Variants in ABCC1 observed in about 807,000 individuals in gnomAD.
ABCC1 encodes the protein ATP binding cassette subfamily C member 1 (ABCC1 blood group), also known as multidrug resistance-associated protein 1.
ABCC1 carries 83 observed loss-of-function variants against 172.9 expected under a neutral mutation model. The observed-to-expected ratio is 0.48, with a 90% CI of 0.40 to 0.58. The LOEUF is 0.58. Among genes scored for constraint, ABCC1 ranks in the 20% least tolerant of loss-of-function variants. The probability of loss-of-function intolerance (pLI) is 0.00; values close to 1 mark genes in which losing one functional copy is unlikely to be tolerated. For synonymous variants in ABCC1, 937 were observed against 825.2 expected (o/e 1.14, Z -2.32); for missense variants, 1,817 against 2,002.7 (o/e 0.91, Z 1.77).
chr16:16,043,978 T>G (rs1039749105), intron 7 of ABCC1, among the ~76,000 whole-genome samples: 49 of 152,346 alleles, frequency 3.2e-4, no homozygotes, highest in African/African-American at 1.1e-3. Context: ...CATGATTGTT[T>G]TGACTGTTCT....
At position 16,016,603 on chromosome 16, in the gene ABCC1, G is replaced by A. The variant is rs761393295; in HGVS notation, c.597G>A (p.Ser199=). The A allele has an allele frequency of 8.1e-6, 13 of 1,613,938 alleles. No individual in the cohort carries two copies. The highest frequency in any genetic ancestry group is 1.6e-4 in the Middle Eastern group (1 of 6,084). ...SCFSDRSPLF[S]ETIHDPNPCP... is the part of the protein sequence containing the mutation. ...TCTCAGATCGCTCACCCCTGTTCTC[G>A]GAAACCATCCACGACCCTGTAAGTG... Residue 199 remains serine, a synonymous_variant, in exon 5 of 31, where the codon TCG becomes TCA. Coordinates refer to ENST00000399410, the MANE Select transcript of ABCC1 (RefSeq NM_004996.4).
chr16:16,013,203 T>G (rs45566332), intron 3 of ABCC1, among the ~76,000 whole-genome samples: 15,769 of 151,980 alleles, frequency 0.1, 987 homozygotes, highest in African/African-American at 0.16. Context: ...AGAAACATTC[T>G]GACTATATCC....
intron 5 of ABCC1, among the ~76,000 whole-genome samples, chr16:16,031,380 TTGTC>T (rs2151825738): frequency 6.6e-6 from 1 of 152,302 alleles, no homozygotes; most frequent in South Asian, 2.1e-4. Context: ...AAGCCAGGCT[TTGTC>T]TGTCATCCCA....
chr16:16,067,490 G>T lies in ABCC1; in HGVS notation c.1678-666G>T, dbSNP rs118186394. On this transcript the variant is annotated intron_variant, in intron 12 of 30. Coordinates refer to ENST00000399410, the MANE Select transcript of ABCC1 (RefSeq NM_004996.4). Reference sequence around the variant, plus strand: ...TTGAGTTTTACTGTGCTTGGGCCCTGTGCAAATAAACACCCTACATAAGTG... The same window carrying T: ...TTGAGTTTTACTGTGCTTGGGCCCTTTGCAAATAAACACCCTACATAAGTG... Among the ~76,000 whole-genome samples the T allele has an allele frequency of 6.7e-4, 102 of 152,292 alleles. 1 individual carries two copies. The East Asian group carries it at 0.018, about 26-fold the overall frequency.
chr16:16,090,530 C>T lies in ABCC1; in HGVS notation c.2586C>T (p.Phe862=), dbSNP rs755874857. 1.9e-5 allele frequency: 31 copies of T among 1,613,680 alleles called. 1 individual carries two copies. The highest frequency in any genetic ancestry group is 3.3e-4 in the Middle Eastern group (2 of 6,050). The change falls in exon 19 of 31, where the codon TTC becomes TTT. Residue 862 remains phenylalanine (F), a synonymous_variant. Transcript: ENST00000399410. ...YQELLARDGA[F]AEFLRTYAST... ...AGCTGCTGGCTCGAGACGGCGCCTTCGCTGAGTTCCTGCGTACCTATGCCA... is the reference window on the plus strand; with the variant it reads ...AGCTGCTGGCTCGAGACGGCGCCTTTGCTGAGTTCCTGCGTACCTATGCCA...
intron 5 of ABCC1, among the ~76,000 whole-genome samples, chr16:16,027,319 T>C (rs929973634): frequency 9.2e-5 from 14 of 152,086 alleles, no homozygotes; most frequent in Non-Finnish European, 1.9e-4. Flanking sequence ...GCTGTGTAGC[T>C]CAAAAGCTGC....
At chr16:16,082,972 T>C (rs1265447262) in intron 16 of ABCC1, among the ~76,000 whole-genome samples, 1 of 152,168 alleles carries the variant, frequency 6.6e-6, no homozygotes, top group African/African-American at 2.4e-5. Flanking sequence ...AAAAGTGTCA[T>C]ATATCTTTTT....
intron 29 of ABCC1, among the ~76,000 whole-genome samples, chr16:16,137,393 A>G (rs910918472): frequency 3.3e-5 from 5 of 152,088 alleles, no homozygotes; most frequent in African/African-American, 1.2e-4. Flanking sequence ...GCAGGGGCAC[A>G]AGAGCGTGCA....
At chr16:16,088,157 A>G (rs1163404619) in intron 18 of ABCC1, among the ~76,000 whole-genome samples, 1 of 151,384 alleles carries the variant, frequency 6.6e-6, no homozygotes. Flanking sequence ...GTGTGCATGT[A>G]TATAAAGTAA....
intron 1 of ABCC1, among the ~76,000 whole-genome samples, chr16:15,991,978 G>A (rs1567291324): frequency 6.6e-6 from 1 of 152,114 alleles, no homozygotes; most frequent in African/African-American, 2.4e-5. Context: ...GGAGGTGAGT[G>A]GCAGGCGAGC....
chr16:16,064,961 G>C (rs1043043175), intron 12 of ABCC1, among the ~76,000 whole-genome samples: 9 of 152,242 alleles, frequency 5.9e-5, no homozygotes, highest in Non-Finnish European at 1.0e-4. Context: ...AGGGCGGCTT[G>C]CAGTTTTAAG....
chr16:16,074,908 C>G (rs909973222), intron 14 of ABCC1, among the ~76,000 whole-genome samples: 2 of 151,656 alleles, frequency 1.3e-5, no homozygotes, highest in Non-Finnish European at 2.9e-5. Context: ...CTTAAGGTGG[C>G]TCATAATTCA....
intron 5 of ABCC1, among the ~76,000 whole-genome samples, chr16:16,019,310 G>T (rs1452405907): frequency 1.3e-5 from 2 of 152,040 alleles, no homozygotes; most frequent in Non-Finnish European, 2.9e-5. Flanking sequence ...CACCATCTTG[G>T]CCCGGCTGGT....
Position 16,141,678 on chromosome 16 carries a change from C to G in ABCC1, c.*397C>G, listed in dbSNP as rs1195482238. 5.1e-6 allele frequency: 1 copy of G among 196,290 alleles called. No homozygotes were observed. Among genetic ancestry groups the G allele is most frequent in the Non-Finnish European group, 1.0e-5 (1 of 96,196 alleles). The allele number at this position is 196,290 out of a possible 1,614,324, so 12.2% of individuals were successfully genotyped here. A position where few individuals can be genotyped will look rare whatever the true frequency, so the allele number is the denominator to read the frequency against. ...ATTCAGCCTACTGCCTCGGATCTCT[C>G]CAGCCGAAGTCTGTGGACTGCAAGT... On this transcript the variant is annotated 3_prime_UTR_variant, in exon 31 of 31. Transcript: ENST00000399410.
intron 2 of ABCC1, among the ~76,000 whole-genome samples, chr16:16,008,866 G>A (rs1456119841): frequency 3.0e-5 from 4 of 132,370 alleles, no homozygotes; most frequent in Admixed American, 7.3e-5. Context: ...AAAAAAAAAA[G>A]TTGCGATGAT....
chr16:15,967,951 G>C (rs539032302), intron 1 of ABCC1, among the ~76,000 whole-genome samples: 2 of 152,230 alleles, frequency 1.3e-5, no homozygotes, highest in South Asian at 2.1e-4. Flanking sequence ...TCTTTGTCTT[G>C]TCTGATGTTA....
chr16:16,010,043 T>A, intron 3 of ABCC1, 142 bp downstream of exon 3: 1 of 579,102 alleles, frequency 1.7e-6, no homozygotes, highest in Non-Finnish European at 2.5e-6. Flanking sequence ...TAGCCTTTTT[T>A]TTTTTTTTTT....
intron 23 of ABCC1, among the ~76,000 whole-genome samples, chr16:16,119,298 G>A (rs551163108): frequency 6.6e-6 from 1 of 152,120 alleles, no homozygotes; most frequent in Non-Finnish European, 1.5e-5. Context: ...AAAATTAGCT[G>A]GGTGTGGTGG....
chr16:16,042,319 CTG>C (rs2049008511), intron 7 of ABCC1, among the ~76,000 whole-genome samples: 1 of 152,018 alleles, frequency 6.6e-6, no homozygotes, highest in Non-Finnish European at 1.5e-5. Context: ...ATAACCCAAA[CTG>C]GAGGTAAGCC....
Sources: gnomAD v4.1 joint callset for allele counts (sites outside exome capture counted in the v4.1 genomes callset) on GRCh38, gnomAD v4.1.1 for gene constraint, MANE v1.5 for transcripts, NCBI Gene and HGNC (gene_info 2026-07-23, HGNC 2026-07-21) for gene names.